Variants in POFUT3 observed in about 807,000 individuals in gnomAD.
The protein encoded by POFUT3 is GDP-fucose protein O-fucosyltransferase 3.
At chr8:33,436,820 A>G in the POFUT3 span, 1 of 442,390 alleles carries the variant, frequency 2.3e-6, no homozygotes, top group African/African-American at 2.0e-5. Flanking sequence ...CAGGATGTCC[A>G]TGTGCATGAT....
At chr8:33,417,221 A>T in the POFUT3 span, among the ~76,000 whole-genome samples, 2 of 152,348 alleles carry the variant, frequency 1.3e-5, no homozygotes, top group South Asian at 4.1e-4. Context: ...ATGAACTGTC[A>T]CTGTCTCCCA....
the POFUT3 span, among the ~76,000 whole-genome samples, chr8:33,329,116 C>G: frequency 6.6e-6 from 1 of 152,142 alleles, no homozygotes; most frequent in Non-Finnish European, 1.5e-5. Context: ...ACCTTCTACA[C>G]TTTTCCAACA....
the POFUT3 span, chr8:33,389,786 TTAAAGTCAGTACC>T: frequency 1.2e-6 from 2 of 1,611,300 alleles, no homozygotes; most frequent in Admixed American, 3.3e-5. Context: ...GCTATCTATG[TTAAAGTCAGTACC>T]TAGGAGAAGA....
chr8:33,364,117 T>G, the POFUT3 span, among the ~76,000 whole-genome samples: 1 of 152,164 alleles, frequency 6.6e-6, no homozygotes, highest in Non-Finnish European at 1.5e-5. Flanking sequence ...TGGTTCAACA[T>G]ACACAAATCA....
chr8:33,387,925 CAGG>C, the POFUT3 span, among the ~76,000 whole-genome samples: 11 of 152,296 alleles, frequency 7.2e-5, no homozygotes, highest in African/African-American at 2.4e-4. Context: ...GTAAAAATTT[CAGG>C]AGAAGTTGAA....
the POFUT3 span, among the ~76,000 whole-genome samples, chr8:33,339,968 C>CA: frequency 6.6e-6 from 1 of 151,916 alleles, no homozygotes; most frequent in Non-Finnish European, 1.5e-5. Flanking sequence ...ATATGCTAAG[C>CA]AAAAAATGAA....
At chr8:33,311,156 A>C in the POFUT3 span, among the ~76,000 whole-genome samples, 1 of 152,182 alleles carries the variant, frequency 6.6e-6, no homozygotes, top group Non-Finnish European at 1.5e-5. Context: ...TACATCCTCA[A>C]TACCTTCAGG....
At chr8:33,342,146 A>G in the POFUT3 span, among the ~76,000 whole-genome samples, 1 of 151,762 alleles carries the variant, frequency 6.6e-6, no homozygotes, top group African/African-American at 2.4e-5. Context: ...CACCACTGCA[A>G]CTCCAGCCTG....
chr8:33,465,188 T>C, the POFUT3 span, among the ~76,000 whole-genome samples: 1 of 152,158 alleles, frequency 6.6e-6, no homozygotes, highest in Non-Finnish European at 1.5e-5. Context: ...ATAGTTATCA[T>C]TAACGTAACC....
chr8:33,404,155 T>C, the POFUT3 span, among the ~76,000 whole-genome samples: 1 of 152,190 alleles, frequency 6.6e-6, no homozygotes, highest in East Asian at 1.9e-4. Context: ...CTGGCCAACA[T>C]GGCAAAACCC....
chr8:33,460,086 A>G, the POFUT3 span, among the ~76,000 whole-genome samples: 1 of 152,056 alleles, frequency 6.6e-6, no homozygotes, highest in Non-Finnish European at 1.5e-5. Flanking sequence ...GCTACTTGGG[A>G]GGCTGAGGCA....
At chr8:33,351,082 G>C in the POFUT3 span, among the ~76,000 whole-genome samples, 663 of 152,170 alleles carry the variant, frequency 4.4e-3, 6 homozygotes, top group African/African-American at 0.015. Context: ...AGCCTCCCGA[G>C]TACCTGGGAT....
chr8:33,350,050 G>A, the POFUT3 span, among the ~76,000 whole-genome samples: 2 of 152,076 alleles, frequency 1.3e-5, no homozygotes, highest in African/African-American at 4.8e-5. Flanking sequence ...ATTTAGTTAT[G>A]TTGAGCATTT....
the POFUT3 span, among the ~76,000 whole-genome samples, chr8:33,429,200 CAT>C: frequency 1.9e-4 from 29 of 152,236 alleles, no homozygotes; most frequent in African/African-American, 7.0e-4. Flanking sequence ...AGAGATCTAA[CAT>C]GTGGTGGAGA....
At chr8:33,348,753 G>A in the POFUT3 span, among the ~76,000 whole-genome samples, 2 of 152,290 alleles carry the variant, frequency 1.3e-5, no homozygotes, top group South Asian at 4.1e-4. Context: ...AGATTTAGAG[G>A]TATGAAGGGA....
chr8:33,446,632 C>A, the POFUT3 span, among the ~76,000 whole-genome samples: 1 of 152,146 alleles, frequency 6.6e-6, no homozygotes, highest in Non-Finnish European at 1.5e-5. Context: ...TCTAAGCTCA[C>A]TAAGCAACCT....
chr8:33,454,674 C>CTTT, the POFUT3 span, among the ~76,000 whole-genome samples: 8,328 of 141,084 alleles, frequency 0.059, 302 homozygotes, highest in East Asian at 0.076. Flanking sequence ...AGTTTTGCCT[C>CTTT]TTTTTTTTTT....
chr8:33,326,334 C>A, the POFUT3 span, among the ~76,000 whole-genome samples: 1 of 151,986 alleles, frequency 6.6e-6, no homozygotes, highest in Admixed American at 6.6e-5. Flanking sequence ...AGTCATAGTG[C>A]CCTAATTCAA....
At chr8:33,442,343 A>G in the POFUT3 span, among the ~76,000 whole-genome samples, 14 of 150,106 alleles carry the variant, frequency 9.3e-5, 1 homozygote, top group South Asian at 2.7e-3. Flanking sequence ...GCTGGAGTGC[A>G]GTGGTGCGAT....
Sources: gnomAD v4.1 joint callset for allele counts (sites outside exome capture counted in the v4.1 genomes callset) on GRCh38, gnomAD v4.1.1 for gene constraint, MANE v1.5 for transcripts, NCBI Gene and HGNC (gene_info 2026-07-23, HGNC 2026-07-21) for gene names.